MCM7: variants seen among roughly 807,000 people sequenced by gnomAD.
MCM7 encodes DNA replication licensing factor MCM7.
MCM7 carries 95 observed loss-of-function variants against 83.5 expected under a neutral mutation model. That is an observed-to-expected ratio of 1.14 (90% CI 0.96 to 1.35). MCM7 has a LOEUF of 1.35. Among genes scored for constraint, MCM7 ranks in the 40% most tolerant of loss-of-function variants. The pLI is 0.00. For missense variants in MCM7, 1,087 were observed against 957.4 expected, an observed-to-expected ratio of 1.14 and a Z score of -1.79; for synonymous variants, 461 against 352.7, an observed-to-expected ratio of 1.31 and a Z score of -3.44.
intron 13 of MCM7, 186 bp from the exon 14 acceptor site, chr7:100,093,587 G>T (rs1174517921): frequency 1.3e-6 from 1 of 776,932 alleles, no homozygotes; most frequent in Admixed American, 1.7e-5. Flanking sequence ...CGAGACAAGT[G>T]CAATGCCCAG....
In MCM7 at chr7:100,099,762, G is replaced by A. The variant is rs970538027; in HGVS notation, c.112-9C>T. 1.7e-5 allele frequency: 28 copies of A among 1,613,346 alleles called. No homozygotes were observed. Among genetic ancestry groups the A allele is most frequent in the Non-Finnish European group, 2.2e-5 (26 of 1,179,828 alleles). On this transcript the variant is annotated splice_polypyrimidine_tract_variant and intron_variant, in intron 2 of 14. Transcript: ENST00000303887. Reference sequence around the variant, plus strand: ...CGATGAGCCAGCCGAACCTCAAGTGGGGAAGAGACAGAAACACCTCAGAGC... The same window carrying A: ...CGATGAGCCAGCCGAACCTCAAGTGAGGAAGAGACAGAAACACCTCAGAGC...
rs886599354 is a variant in MCM7, at chr7:100,093,102, T to C, written c.1990A>G (p.Thr664Ala). 1.9e-6 allele frequency: 3 copies of C among 1,613,942 alleles called. No homozygotes were observed. The African/African-American group carries it at 4.0e-5, about 22-fold the overall frequency. The part of the protein sequence containing the change: ...TQRPADVIFA[T>A]VRELVSGGRS... Reference sequence around the variant, plus strand: ...CCCCCTGAGACCAGTTCACGGACGGTGGCAAATATCACATCTGCTGGTCTC... The same window carrying C: ...CCCCCTGAGACCAGTTCACGGACGGCGGCAAATATCACATCTGCTGGTCTC... Residue 664 changes from threonine to alanine, a missense_variant, in exon 15 of 15, where the codon ACC (threonine) becomes GCC (alanine). Thr to Ala is a moderately conservative substitution (Grantham distance 58). Transcript: ENST00000303887.
At position 100,099,107 on chromosome 7, in the gene MCM7, G is replaced by A. The variant is rs141429273; in HGVS notation, c.498C>T (p.Ile166=). The A allele has an allele frequency of 2.1e-5, 34 of 1,613,996 alleles. No homozygotes were observed. The highest frequency in any genetic ancestry group is 3.3e-5 in the Admixed American group (2 of 59,988). The change falls in exon 5 of 15, where the codon ATC becomes ATT. Residue 166 remains isoleucine, a synonymous_variant. Coordinates refer to ENST00000303887, the MANE Select transcript of MCM7 (RefSeq NM_005916.5). Reference sequence around the variant, plus strand: ...GTTTGACTTCAGAGACACGAGTGACGATTCCACGCACAGTTACCAACTTCC... The same window carrying A: ...GTTTGACTTCAGAGACACGAGTGACAATTCCACGCACAGTTACCAACTTCC... ...SVGKLVTVRG[I]VTRVSEVKPK... is the part of the protein sequence containing the mutation.
intron 5 of MCM7, 132 bp downstream of exon 5, chr7:100,098,891 T>C: frequency 7.3e-7 from 1 of 1,378,730 alleles, no homozygotes; most frequent in Non-Finnish European, 9.9e-7. Flanking sequence ...GACCACTACA[T>C]ACCCAAGAAT....
In MCM7 at chr7:100,101,319, G is replaced by T; in HGVS notation, c.-25C>A. The stretch of plus-strand genomic sequence containing the variant: ...TCGCTGCCGAGGGCCGTGCGGCCGC[G>T]CTTGGCGGGCTCAGAGGTCTTGCTC... On this transcript the variant is annotated 5_prime_UTR_variant, in exon 1 of 15. Transcript: ENST00000303887. The T allele has an allele frequency of 6.2e-7, 1 of 1,612,932 alleles. No homozygotes were observed. The highest frequency in any genetic ancestry group is 8.5e-7 in the Non-Finnish European group (1 of 1,179,848).
chr7:100,100,720 G>A (rs933803878), intron 1 of MCM7: 1 of 987,942 alleles, frequency 1.0e-6, no homozygotes. Flanking sequence ...AGCTCTCTCC[G>A]CGGCCGCCGC....
chr7:100,095,255 C>T, intron 12 of MCM7, 132 bp downstream of exon 12: 1 of 800,094 alleles, frequency 1.2e-6, no homozygotes, highest in South Asian at 1.5e-5. Context: ...AAAAGCTGAT[C>T]TGAGGCTCTG....
intron 5 of MCM7, 125 bp downstream of exon 5, chr7:100,098,898 G>A (rs1249023600): frequency 3.6e-6 from 5 of 1,406,692 alleles, no homozygotes; most frequent in South Asian, 2.6e-5. Context: ...ACATACCCAA[G>A]AATGAAAGGC....
Position 100,098,633 on chromosome 7 carries a change from A to C in MCM7, c.665T>G (p.Leu222Arg), listed in dbSNP as rs1206127645. 2 of 1,614,162 alleles carry C rather than the reference A, an allele frequency of 1.2e-6. No homozygotes were observed. Among genetic ancestry groups the C allele is most frequent in the East Asian group, 2.2e-5 (1 of 44,888 alleles). The change falls in exon 6 of 15, where the codon CTG becomes CGG. Residue 222 changes from leucine to arginine, a missense_variant. Physicochemically the swap from Leu to Arg is moderately radical, Grantham distance 102. Transcript: ENST00000303887. ...QTNRSGGRLYLQTRGSRFIKF... is the reference protein window; with the variant it reads ...QTNRSGGRLYRQTRGSRFIKF... ...GATGAATCTGGAGCCCCGTGTCTGC[A>C]GATACAGCCGCCCTCCTGAGCGGTT... is the stretch of plus-strand genomic sequence containing the variant.
At position 100,098,594 on chromosome 7, in the gene MCM7, A is replaced by G; in HGVS notation, c.704T>C (p.Met235Thr). ...CAAACTCACATGTTCTTGCATCTTC[A>G]TCTCCTGGAATTTGATGAATCTGGA... ...RGSRFIKFQE[M>T]KMQEHSDQVP... The change falls in exon 6 of 15, where the codon ATG becomes ACG. Residue 235 changes from methionine (M) to threonine (T), a missense_variant. Transcript: ENST00000303887. 6.2e-7 allele frequency: 1 copy of G among 1,614,094 alleles called. No individual in the cohort carries two copies. Among genetic ancestry groups the G allele is most frequent in the African/African-American group, 1.3e-5 (1 of 75,004 alleles).
At position 100,100,063 on chromosome 7, in the gene MCM7, T is replaced by A. The variant is rs758619648; in HGVS notation, c.62A>T (p.Tyr21Phe). The A allele has an allele frequency of 4.3e-6, 7 of 1,614,158 alleles. No homozygotes were observed. Among genetic ancestry groups the A allele is most frequent in the African/African-American group, 1.3e-5 (1 of 75,064 alleles). Residue 21 changes from tyrosine to phenylalanine, a missense_variant, in exon 2 of 15, where the codon TAC becomes TTC. Coordinates refer to ENST00000303887, the MANE Select transcript of MCM7 (RefSeq NM_005916.5). ...EKVKKFLQEFYQDDELGKKQF... is the reference protein window; with the variant it reads ...EKVKKFLQEFFQDDELGKKQF... ...CTTCTTCCCGAGTTCATCATCCTGG[T>A]AGAACTCTTGTAAGAACTTCTTAAC...
In MCM7 at chr7:100,096,137, C is replaced by G. The variant is rs780573339; in HGVS notation, c.1232G>C (p.Gly411Ala). ...SQYTTGRGSS[G>A]VGLTAAVLRD... The stretch of plus-strand genomic sequence containing the variant: ...CAGCACAGCTGCCGTAAGCCCCACT[C>G]CTGAGGAGCCCCGGCCTGTTGTGTA... Residue 411 changes from glycine to alanine, a missense_variant, in exon 11 of 15, where the codon GGA becomes GCA. By Grantham distance (60) the Gly-to-Ala change is moderately conservative. Coordinates refer to ENST00000303887, the MANE Select transcript of MCM7 (RefSeq NM_005916.5). 1.9e-6 allele frequency: 3 copies of G among 1,611,068 alleles called. No homozygotes were observed. In the Admixed American group the frequency reaches 5.0e-5, roughly 27 times the overall value.
At chr7:100,097,162 G>C in intron 10 of MCM7, 139 bp downstream of exon 10, 1 of 731,860 alleles carries the variant, frequency 1.4e-6, no homozygotes, top group Non-Finnish European at 2.3e-6. Context: ...CAAAATCCTC[G>C]CCTCAAATGA....
At position 100,093,000 on chromosome 7, in the gene MCM7, G is replaced by C; in HGVS notation, c.2092C>G (p.Leu698Val). 1 of 1,614,236 alleles carries C rather than the reference G, an allele frequency of 6.2e-7. No individual in the cohort carries two copies. Among genetic ancestry groups the C allele is most frequent in the Non-Finnish European group, 8.5e-7 (1 of 1,180,046 alleles). The stretch of plus-strand genomic sequence containing the variant: ...ACATTGAGCTCCTCATATTCATCCA[G>C]AGCCGCCTGGAACTGGGCGGGTGTG... ...GFTPAQFQAALDEYEELNVWQ... is the reference protein window; with the variant it reads ...GFTPAQFQAAVDEYEELNVWQ... Residue 698 changes from leucine to valine, a missense_variant, in exon 15 of 15, where the codon CTG (leucine) becomes GTG (valine). Leu to Val is a conservative substitution (Grantham distance 32). Coordinates refer to ENST00000303887, the MANE Select transcript of MCM7 (RefSeq NM_005916.5).
intron 1 of MCM7, chr7:100,100,753 A>C (rs1437160460): frequency 1.0e-6 from 1 of 991,576 alleles, no homozygotes; most frequent in African/African-American, 1.7e-5. Context: ...TGTTTACACG[A>C]CACTCCCTCC....
intron 10 of MCM7, 34 bp from the exon 11 acceptor site, chr7:100,096,201 AAAGAAC>A (rs762607580): frequency 8.8e-5 from 134 of 1,521,626 alleles, no homozygotes; most frequent in Non-Finnish European, 1.0e-4. Context: ...CATGAGAGAG[AAAGAAC>A]AAGAAAGAGA....
chr7:100,100,793 C>G (rs1158546043), intron 1 of MCM7: 1 of 994,396 alleles, frequency 1.0e-6, no homozygotes, highest in Non-Finnish European at 1.2e-6. Context: ...CGCCCGGCTC[C>G]ACTTCCGCTC....
Position 100,097,358 on chromosome 7 carries a change from C to G in MCM7, c.1144G>C (p.Asp382His). The part of the protein sequence containing the change: ...RGNINICLMG[D>H]PGVAKSQLLS... ...AGCTGAGACTTGGCCACACCAGGAT[C>G]CCCCATCAGACAGATGTTGATGTTG... The change falls in exon 10 of 15, where the codon GAT (aspartate) becomes CAT (histidine). Residue 382 changes from aspartate (D) to histidine (H), a missense_variant. By Grantham distance (81) the Asp-to-His change is moderately conservative (BLOSUM62 -1). Transcript: ENST00000303887. The G allele has an allele frequency of 6.2e-7, 1 of 1,614,148 alleles. No individual in the cohort carries two copies. The highest frequency in any genetic ancestry group is 1.1e-5 in the South Asian group (1 of 91,088).
At position 100,095,790 on chromosome 7, in the gene MCM7, G is replaced by A. The variant is rs76705400; in HGVS notation, c.1579C>T (p.Arg527Ter). ...TTCATTCACCGTAGGTCATTGTCTC[G>A]GTCGGGCCGGTCCTGAATCAGCCAG... ...LLWLIQDRPD[R>*]DNDLRLAQHI... The change falls in exon 11 of 15, where the codon CGA becomes TGA. Residue 527 changes from arginine (R) to a stop codon, truncating the protein, a stop_gained. Transcript: ENST00000303887. LOFTEE classifies it high-confidence loss of function. 6.3e-6 allele frequency: 10 copies of A among 1,585,912 alleles called. No individual in the cohort carries two copies. The highest frequency in any genetic ancestry group is 3.4e-5 in the Admixed American group (2 of 58,930).
Sources: allele counts gnomAD v4.1 joint callset, GRCh38; gene constraint gnomAD v4.1.1; transcripts MANE v1.5; gene names NCBI Gene and HGNC (gene_info 2026-07-23, HGNC 2026-07-21).